LAMA2: variants seen among roughly 807,000 people sequenced by gnomAD.
LAMA2 encodes the protein laminin subunit alpha 2.
Under a neutral mutation model 364.8 loss-of-function variants are expected in LAMA2, and 269 were observed. The ratio of observed to expected loss-of-function variants is 0.74; its 90% CI spans 0.67 to 0.82. The LOEUF (loss-of-function observed/expected upper bound fraction) is 0.82, where lower values mean the gene tolerates loss of function less well. Ranked by LOEUF, LAMA2 falls within the 40% of genes least tolerant of loss-of-function variation. The pLI is 0.00. For synonymous variants in LAMA2, 1,379 were observed against 1,370.6 expected (o/e 1.01, Z -0.14); for missense variants, 3,807 against 3,873.2 (o/e 0.98, Z 0.45).
chr6:128,905,637 TTC>T (rs1777402844), intron 1 of LAMA2: 1 of 152,028 alleles, frequency 6.6e-6, no homozygotes, highest in South Asian at 2.1e-4. Flanking sequence ...TTTTATTTTT[TTC>T]TTTTATTATT....
At chr6:129,160,778 A>G (rs1313936131) in intron 8 of LAMA2, among the ~76,000 whole-genome samples, 2 of 151,772 alleles carry the variant, frequency 1.3e-5, no homozygotes, top group Admixed American at 1.3e-4. Flanking sequence ...CATTTATTTA[A>G]CATAACTTCT....
intron 4 of LAMA2, among the ~76,000 whole-genome samples, chr6:129,110,454 G>A (rs547779818): frequency 5.7e-4 from 86 of 152,050 alleles, no homozygotes; most frequent in African/African-American, 2.0e-3. Flanking sequence ...TAGAATTTAA[G>A]CCTTTCAGTT....
intron 40 of LAMA2, among the ~76,000 whole-genome samples, chr6:129,419,859 G>A: frequency 6.6e-6 from 1 of 151,480 alleles, no homozygotes; most frequent in Middle Eastern, 3.2e-3. Flanking sequence ...GTCTCTTTGG[G>A]GTGTTTCTTG....
At chr6:129,061,756 C>T (rs542226546) in intron 3 of LAMA2, among the ~76,000 whole-genome samples, 1 of 152,206 alleles carries the variant, frequency 6.6e-6, no homozygotes, top group South Asian at 2.1e-4. Flanking sequence ...TAACAAAGTG[C>T]CAGAATTCTG....
chr6:128,886,564 C>G (rs889217669), intron 1 of LAMA2, among the ~76,000 whole-genome samples: 3 of 152,020 alleles, frequency 2.0e-5, no homozygotes, highest in African/African-American at 4.8e-5. Flanking sequence ...GGTTAAGAGT[C>G]TGAGAAGATT....
intron 1 of LAMA2, among the ~76,000 whole-genome samples, chr6:128,913,060 T>C (rs1236223420): frequency 1.3e-5 from 2 of 152,184 alleles, no homozygotes; most frequent in Non-Finnish European, 2.9e-5. Flanking sequence ...AATGTTACTT[T>C]GTGATGAGAG....
Position 129,441,707 on chromosome 6 carries a change from A to G in LAMA2, c.6268+709A>G, listed in dbSNP as rs149670497. Among the ~76,000 whole-genome samples the G allele has an allele frequency of 3.9e-5, 6 of 152,254 alleles. No homozygotes were observed. The East Asian group carries it at 1.2e-3, about 29-fold the overall frequency. The stretch of plus-strand genomic sequence containing the variant: ...TACAAGGCTATATTGGGCCAGGTAC[A>G]GTGGTTAACACCTGTAATCTTTGCA... On this transcript the variant is annotated intron_variant, in intron 43 of 64. Transcript: ENST00000421865.
In LAMA2 at chr6:129,297,682, C is replaced by G; in HGVS notation, c.2857-3C>G. On this transcript the variant is annotated splice_region_variant and splice_polypyrimidine_tract_variant and intron_variant, in intron 20 of 64. Coordinates refer to ENST00000421865, the MANE Select transcript of LAMA2 (RefSeq NM_000426.4). ...TAATTTTTCTCTCCTCTTCCATTGC[C>G]AGGCTGGGACCTTTGGCCTACAATC... is the stretch of plus-strand genomic sequence containing the variant. The G allele has an allele frequency of 6.2e-7, 1 of 1,613,466 alleles. No homozygotes were observed. Among genetic ancestry groups the G allele is most frequent in the Non-Finnish European group, 8.5e-7 (1 of 1,179,838 alleles).
At position 129,153,310 on chromosome 6, in the gene LAMA2, C is replaced by T. The variant is rs185509205; in HGVS notation, c.1028-1195C>T. On this transcript the variant is annotated intron_variant, in intron 7 of 64. Coordinates refer to ENST00000421865, the MANE Select transcript of LAMA2 (RefSeq NM_000426.4). ...CCAATCTAGTAATTACTATTGACCA[C>T]TCCATGTATTATATGGAAACTGAGC... Among the ~76,000 whole-genome samples the T allele has an allele frequency of 7.9e-5, 12 of 152,280 alleles. No homozygotes were observed. In the East Asian group the frequency reaches 2.3e-3, roughly 29 times the overall value.
At chr6:129,440,734 A>G in intron 42 of LAMA2, 82 bp from the exon 43 acceptor site, 6 of 1,248,872 alleles carry the variant, frequency 4.8e-6, no homozygotes, top group Non-Finnish European at 7.1e-6. Context: ...TCAGCCAGCC[A>G]CAGCCTCGCT....
At chr6:128,971,268 T>C (rs1399549664) in intron 1 of LAMA2, among the ~76,000 whole-genome samples, 1 of 152,224 alleles carries the variant, frequency 6.6e-6, no homozygotes, top group Non-Finnish European at 1.5e-5. Context: ...TTTTAGCAAG[T>C]AATGAACGTT....
intron 1 of LAMA2, among the ~76,000 whole-genome samples, chr6:129,018,811 C>T (rs565267713): frequency 3.9e-5 from 6 of 152,078 alleles, no homozygotes; most frequent in East Asian, 1.9e-4. Flanking sequence ...TCTTTTATGA[C>T]GTAAATATTG....
In LAMA2 at chr6:129,392,420, C is replaced by A. The variant is rs556425496; in HGVS notation, c.5235-625C>A. 3.0e-4 allele frequency among the ~76,000 whole-genome samples: 45 copies of A among 152,222 alleles called. 1 individual carries two copies. Among genetic ancestry groups the A allele is most frequent in the African/African-American group, 1.1e-3 (45 of 41,542 alleles). Reference sequence around the variant, plus strand: ...ACTTTGGGGATGGGACCCAGCAAACCATGTATTAACAAGCCCTTCAGGGGA... The same window carrying A: ...ACTTTGGGGATGGGACCCAGCAAACAATGTATTAACAAGCCCTTCAGGGGA... On this transcript the variant is annotated intron_variant, in intron 36 of 64. Coordinates refer to ENST00000421865, the MANE Select transcript of LAMA2 (RefSeq NM_000426.4).
chr6:129,113,311 C>T (rs1168905470), intron 4 of LAMA2, among the ~76,000 whole-genome samples: 2 of 151,926 alleles, frequency 1.3e-5, no homozygotes, highest in African/African-American at 2.4e-5. Flanking sequence ...GGGTAATGTT[C>T]GAATTCTAAG....
At chr6:129,117,338 C>T (rs1447287406) in intron 4 of LAMA2, among the ~76,000 whole-genome samples, 2 of 152,102 alleles carry the variant, frequency 1.3e-5, no homozygotes, top group Non-Finnish European at 1.5e-5. Context: ...ATTTTTTACT[C>T]AATGATGATT....
At chr6:129,328,438 A>C (rs1303033699) in intron 29 of LAMA2, 26 bp downstream of exon 29, 1 of 1,613,928 alleles carries the variant, frequency 6.2e-7, no homozygotes, top group Non-Finnish European at 8.5e-7. Flanking sequence ...TTCCTTGAAC[A>C]AGGTCCATGT....
chr6:129,281,356 A>G (rs1025040101), intron 18 of LAMA2, among the ~76,000 whole-genome samples: 1 of 152,150 alleles, frequency 6.6e-6, no homozygotes, highest in African/African-American at 2.4e-5. Context: ...TAGCAACTGG[A>G]AAATGACAGC....
intron 3 of LAMA2, among the ~76,000 whole-genome samples, chr6:129,070,088 C>A (rs1773215065): frequency 6.6e-6 from 1 of 152,030 alleles, no homozygotes; most frequent in African/African-American, 2.4e-5. Context: ...CATTTCTTTA[C>A]CTATGACTTA....
At chr6:129,433,249 T>A (rs201929852) in intron 41 of LAMA2, among the ~76,000 whole-genome samples, 1 of 37,898 alleles carries the variant, frequency 2.6e-5, no homozygotes, top group Admixed American at 2.1e-4. Context: ...ATTGGAGGGA[T>A]TTTTTCTAAG....
Sources: gnomAD v4.1 joint callset for allele counts (sites outside exome capture counted in the v4.1 genomes callset) on GRCh38, gnomAD v4.1.1 for gene constraint, MANE v1.5 for transcripts, NCBI Gene and HGNC (gene_info 2026-07-23, HGNC 2026-07-21) for gene names.